ZCCHC7: variants seen among roughly 807,000 people sequenced by gnomAD.
ZCCHC7 encodes the protein zinc finger CCHC-type containing 7.
Under a neutral mutation model 52.0 loss-of-function variants are expected in ZCCHC7, and 35 were observed. That is an observed-to-expected ratio of 0.67 (90% confidence interval 0.51 to 0.89). ZCCHC7 has a LOEUF of 0.89. Ranked by LOEUF, ZCCHC7 falls within the 40% of genes least tolerant of loss-of-function variation. The probability of loss-of-function intolerance (pLI) is 0.00; values close to 1 mark genes in which losing one functional copy is unlikely to be tolerated. For synonymous variants in ZCCHC7, 217 were observed against 221.5 expected (o/e 0.98, Z 0.18); for missense variants, 574 against 649.1 (o/e 0.88, Z 1.26).
intron 2 of ZCCHC7, chr9:37,147,405 T>G (rs983593389): frequency 6.6e-6 from 1 of 151,992 alleles, no homozygotes; most frequent in South Asian, 2.1e-4. Context: ...GCAAGCAAGC[T>G]GTTTTGAAAG....
chr9:37,156,453 A>C (rs1167369672), intron 2 of ZCCHC7, among the ~76,000 whole-genome samples: 1 of 152,244 alleles, frequency 6.6e-6, no homozygotes, highest in African/African-American at 2.4e-5. Context: ...ACAGCATATA[A>C]TAGAGTGCCC....
Position 37,304,142 on chromosome 9 carries a change from T to G in ZCCHC7, c.655-46T>G, listed in dbSNP as rs748226707. On this transcript the variant is annotated intron_variant, in intron 3 of 8. Coordinates refer to ENST00000336755, the MANE Select transcript of ZCCHC7 (RefSeq NM_032226.3). ...ACAAGAGTAGTAGATGGCTTTTATT[T>G]AGCAGTGAAACAATTTTTTTAATTC... The G allele has an allele frequency of 1.9e-6, 3 of 1,578,668 alleles. No homozygotes were observed. In the Admixed American group the frequency reaches 5.6e-5, roughly 30 times the overall value.
intron 2 of ZCCHC7, among the ~76,000 whole-genome samples, chr9:37,150,361 A>G (rs1820450235): frequency 6.6e-6 from 1 of 152,252 alleles, no homozygotes; most frequent in African/African-American, 2.4e-5. Context: ...GTGGAAGCAC[A>G]TAATTTTTGC....
At chr9:37,312,396 T>G (rs1829639193) in intron 5 of ZCCHC7, among the ~76,000 whole-genome samples, 1 of 152,182 alleles carries the variant, frequency 6.6e-6, no homozygotes, top group African/African-American at 2.4e-5. Flanking sequence ...CTTGAGGAAC[T>G]CAGAGTATAA....
Position 37,126,347 on chromosome 9 carries a change from C to CTATGAGACT in ZCCHC7, c.16_24dup (p.Tyr6_Thr8dup). 1 of 1,612,530 alleles carries CTATGAGACT rather than the reference C, an allele frequency of 6.2e-7. No individual in the cohort carries two copies. Among genetic ancestry groups the CTATGAGACT allele is most frequent in the Non-Finnish European group, 8.5e-7 (1 of 1,179,142 alleles). ...ACTGACTTTTTATGATGTTTGGTGG[C>CTATGAGACT]TATGAGACTATAGAAGCATACGAAG... On this transcript the variant is annotated inframe_insertion, in exon 2 of 9. Coordinates refer to ENST00000336755, the MANE Select transcript of ZCCHC7 (RefSeq NM_032226.3).
chr9:37,245,249 A>T (rs1389012360), intron 2 of ZCCHC7, among the ~76,000 whole-genome samples: 1 of 151,852 alleles, frequency 6.6e-6, no homozygotes, highest in African/African-American at 2.4e-5. Context: ...TCAGATTTTC[A>T]TCCTCTCCTT....
chr9:37,168,004 G>A (rs572740420), intron 2 of ZCCHC7, among the ~76,000 whole-genome samples: 23 of 152,256 alleles, frequency 1.5e-4, no homozygotes, highest in African/African-American at 5.5e-4. Flanking sequence ...ATCTGTGGGA[G>A]TATTTCTCTG....
intron 2 of ZCCHC7, among the ~76,000 whole-genome samples, chr9:37,173,139 G>A (rs1269456348): frequency 6.7e-6 from 1 of 149,844 alleles, no homozygotes; most frequent in African/African-American, 2.5e-5. Context: ...GGGCATTCCA[G>A]TTGTGACTTG....
intron 2 of ZCCHC7, among the ~76,000 whole-genome samples, chr9:37,176,481 A>G (rs992019634): frequency 5.9e-5 from 9 of 152,112 alleles, no homozygotes; most frequent in Non-Finnish European, 2.9e-5. Context: ...AGAACATTTT[A>G]TCACTGTTTG....
At chr9:37,280,101 A>G (rs1827881584) in intron 2 of ZCCHC7, among the ~76,000 whole-genome samples, 1 of 152,086 alleles carries the variant, frequency 6.6e-6, no homozygotes, top group Non-Finnish European at 1.5e-5. Flanking sequence ...AGATCCCACT[A>G]CTGCACTCTA....
chr9:37,320,108 C>T (rs1020737404), intron 5 of ZCCHC7, among the ~76,000 whole-genome samples: 1 of 152,168 alleles, frequency 6.6e-6, no homozygotes, highest in Non-Finnish European at 1.5e-5. Context: ...GACCAAGTCT[C>T]ACTCTGTTGC....
chr9:37,273,459 C>A (rs1305677941), intron 2 of ZCCHC7, among the ~76,000 whole-genome samples: 1 of 152,214 alleles, frequency 6.6e-6, no homozygotes, highest in Admixed American at 6.5e-5. Context: ...GCTGAGATCG[C>A]GCCACTGCAC....
At chr9:37,126,200 A>G in intron 1 of ZCCHC7, 112 bp from the exon 2 acceptor site, 1 of 1,073,848 alleles carries the variant, frequency 9.3e-7, no homozygotes, top group Non-Finnish European at 1.3e-6. Context: ...TATGTCTGAG[A>G]ATAGTGATGG....
chr9:37,334,668 G>C (rs771871085), intron 6 of ZCCHC7, among the ~76,000 whole-genome samples: 3 of 151,968 alleles, frequency 2.0e-5, no homozygotes, highest in Non-Finnish European at 2.9e-5. Flanking sequence ...AGGGTGTTAT[G>C]TGTGGGTTTT....
intron 2 of ZCCHC7, among the ~76,000 whole-genome samples, chr9:37,230,078 A>T (rs1825323181): frequency 6.6e-6 from 1 of 152,148 alleles, no homozygotes. Context: ...AAAAACACAC[A>T]CAGAACAGTC....
intron 8 of ZCCHC7, among the ~76,000 whole-genome samples, chr9:37,356,252 G>A (rs1263886889): frequency 1.3e-5 from 2 of 151,612 alleles, no homozygotes; most frequent in Admixed American, 6.5e-5. Context: ...CGTATTAAGC[G>A]TGTCAAGCTC....
intron 6 of ZCCHC7, among the ~76,000 whole-genome samples, chr9:37,343,343 C>A (rs139986453): frequency 6.6e-5 from 10 of 152,312 alleles, no homozygotes; most frequent in African/African-American, 2.4e-4. Context: ...TGTGCTGATG[C>A]AGTTTTTTAG....
Position 37,260,595 on chromosome 9 carries a change from G to A in ZCCHC7, c.611-41593G>A, listed in dbSNP as rs564963880. 8.5e-5 allele frequency among the ~76,000 whole-genome samples: 13 copies of A among 152,264 alleles called. No homozygotes were observed. In the South Asian group the frequency reaches 1.7e-3, roughly 19 times the overall value. On this transcript the variant is annotated intron_variant, in intron 2 of 8. Coordinates refer to ENST00000336755, the MANE Select transcript of ZCCHC7 (RefSeq NM_032226.3). ...GCTTACTCTGCCCATTTATATTGCC[G>A]AAGTACTAAGACTACTAAACTGCCT...
At chr9:37,319,483 A>G (rs1393067931) in intron 5 of ZCCHC7, among the ~76,000 whole-genome samples, 2 of 152,106 alleles carry the variant, frequency 1.3e-5, no homozygotes, top group East Asian at 3.8e-4. Context: ...GCTGGAGTGT[A>G]GTGGTGCAAT....
Sources: gnomAD v4.1 joint callset for allele counts (sites outside exome capture counted in the v4.1 genomes callset) on GRCh38, gnomAD v4.1.1 for gene constraint, MANE v1.5 for transcripts, NCBI Gene and HGNC (gene_info 2026-07-23, HGNC 2026-07-21) for gene names.